UBE2W: variants seen among roughly 807,000 people sequenced by gnomAD.
The protein encoded by UBE2W is ubiquitin-conjugating enzyme E2 W.
UBE2W carries 18 observed loss-of-function variants against 27.2 expected under a neutral mutation model. That is an observed-to-expected ratio of 0.66 (90% CI 0.46 to 0.98). UBE2W has a LOEUF of 0.98. Among genes scored for constraint, UBE2W ranks in the 50% least tolerant of loss-of-function variants. The pLI, the probability that UBE2W is intolerant of heterozygous loss-of-function variation, is 0.00. For synonymous variants in UBE2W, 53 were observed against 57.2 expected (o/e 0.93, Z 0.33); for missense variants, 90 against 180.2 (o/e 0.50, Z 2.87).
chr8:73,859,601 T>A (rs76525127), intron 1 of UBE2W, among the ~76,000 whole-genome samples: 4 of 152,136 alleles, frequency 2.6e-5, no homozygotes, highest in Admixed American at 1.3e-4. Context: ...TCACACAAAA[T>A]ATGTGTTAAT....
At position 73,805,472 on chromosome 8, in the gene UBE2W, C is replaced by CAAAAAAAAAAAAAAAAAAAAAAAAAAAAA; in HGVS notation, c.442+178_442+179insTTTTTTTTTTTTTTTTTTTTTTTTTTTTT. On this transcript the variant is annotated intron_variant, in intron 5 of 5. Transcript: ENST00000602593. ...TCCATCTCAAAAAAAAAAAAAAAAA[C>CAAAAAAAAAAAAAAAAAAAAAAAAAAAAA]AAAAAAAACTAGGGTAATTCATCCA... is the stretch of plus-strand genomic sequence containing the variant. Among the ~76,000 whole-genome samples the CAAAAAAAAAAAAAAAAAAAAAAAAAAAAA allele has an allele frequency of 6.0e-4, 26 of 43,692 alleles. 2 individuals carry two copies. The highest frequency in any genetic ancestry group is 9.4e-4 in the Non-Finnish European group (19 of 20,120). 28.7% of individuals were successfully genotyped at this position (43,692 alleles called of 152,430 possible). A position where few individuals can be genotyped will look rare whatever the true frequency, so the allele number is the denominator to read the frequency against.
intron 2 of UBE2W, among the ~76,000 whole-genome samples, chr8:73,825,687 G>A (rs1809807933): frequency 6.6e-6 from 1 of 152,108 alleles, no homozygotes; most frequent in Non-Finnish European, 1.5e-5. Flanking sequence ...TGTAATCCCA[G>A]CTACTCAGGA....
chr8:73,803,016 C>G lies in UBE2W; in HGVS notation c.442+2635G>C, dbSNP rs545888771. Among the ~76,000 whole-genome samples, 35 of 149,326 alleles carry G rather than the reference C, an allele frequency of 2.3e-4. No individual in the cohort carries two copies. The East Asian group carries it at 6.5e-3, about 28-fold the overall frequency. ...TCCAGCCTGGGCGACAGCAAGACTC[C>G]GTCTCAAAATAAATAAATAAATAAA... is the stretch of plus-strand genomic sequence containing the variant. On this transcript the variant is annotated intron_variant, in intron 5 of 5. Transcript: ENST00000602593.
intron 3 of UBE2W, among the ~76,000 whole-genome samples, chr8:73,814,961 C>T (rs1809328187): frequency 6.6e-6 from 1 of 152,210 alleles, no homozygotes; most frequent in Admixed American, 6.5e-5. Flanking sequence ...TATCCCACAA[C>T]CAACCTGAAA....
rs71269958 is a variant in UBE2W at position 73,866,290 on chromosome 8, A to AATATATATATAT, written c.15+12506_15+12517dup. On this transcript the variant is annotated intron_variant, in intron 1 of 5. Coordinates refer to ENST00000602593, the MANE Select transcript of UBE2W (RefSeq NM_018299.6). ...GTCTAAAAAAAAAAAAAAAAAAAAA[A>AATATATATATAT]ATATATATATATATATATATATATA... Among the ~76,000 whole-genome samples, 74 of 43,076 alleles carry AATATATATATAT rather than the reference A, an allele frequency of 1.7e-3. 1 individual carries two copies. The highest frequency in any genetic ancestry group is 3.4e-3 in the South Asian group (3 of 870). 28.3% of individuals were successfully genotyped at this position (43,076 alleles called of 152,430 possible). A position where few individuals can be genotyped will look rare whatever the true frequency, so the allele number is the denominator to read the frequency against.
chr8:73,801,210 A>T (rs1808627071), intron 5 of UBE2W, among the ~76,000 whole-genome samples: 1 of 152,256 alleles, frequency 6.6e-6, no homozygotes, highest in African/African-American at 2.4e-5. Flanking sequence ...GCAGGTAAGA[A>T]GAAACTCTGA....
chr8:73,821,246 A>G (rs753785538), intron 3 of UBE2W, among the ~76,000 whole-genome samples: 2 of 152,186 alleles, frequency 1.3e-5, no homozygotes, highest in Non-Finnish European at 2.9e-5. Context: ...ATTTCTTCAC[A>G]TATAAAATGA....
At chr8:73,863,577 A>AT (rs1811617062) in intron 1 of UBE2W, among the ~76,000 whole-genome samples, 1 of 110,142 alleles carries the variant, frequency 9.1e-6, no homozygotes, top group African/African-American at 3.7e-5. Context: ...TTAAAGTATA[A>AT]TAAAAAAAAA....
intron 4 of UBE2W, among the ~76,000 whole-genome samples, chr8:73,808,600 C>A (rs552405953): frequency 6.6e-6 from 1 of 152,332 alleles, no homozygotes; most frequent in African/African-American, 2.4e-5. Flanking sequence ...AATGCCAAGG[C>A]AAATTTCCTC....
intron 1 of UBE2W, among the ~76,000 whole-genome samples, chr8:73,843,882 G>A (rs974889456): frequency 6.6e-6 from 1 of 151,754 alleles, no homozygotes; most frequent in South Asian, 2.1e-4. Flanking sequence ...CCATCTACTC[G>A]AGAGGCTGAG....
At chr8:73,830,272 T>C in intron 2 of UBE2W, 109 bp downstream of exon 2, 1 of 777,422 alleles carries the variant, frequency 1.3e-6, no homozygotes, top group Non-Finnish European at 2.1e-6. Context: ...TATTTACCTC[T>C]TGGTGAAAGA....
chr8:73,836,326 A>C (rs551997946), intron 1 of UBE2W, among the ~76,000 whole-genome samples: 17 of 152,356 alleles, frequency 1.1e-4, no homozygotes, highest in African/African-American at 3.8e-4. Context: ...AAATAGTGAG[A>C]GAGAAGGGCC....
intron 1 of UBE2W, among the ~76,000 whole-genome samples, chr8:73,855,729 A>G (rs1049961456): frequency 2.6e-5 from 4 of 152,094 alleles, no homozygotes; most frequent in Non-Finnish European, 5.9e-5. Context: ...TTGACTGTGA[A>G]CAGTGCTGTA....
At chr8:73,844,836 G>A (rs1046619465) in intron 1 of UBE2W, among the ~76,000 whole-genome samples, 7 of 150,606 alleles carry the variant, frequency 4.6e-5, no homozygotes, top group Admixed American at 2.0e-4. Context: ...CTGCACCGCC[G>A]CCACCCCGTC....
At chr8:73,839,040 T>C (rs1810421517) in intron 1 of UBE2W, among the ~76,000 whole-genome samples, 1 of 152,216 alleles carries the variant, frequency 6.6e-6, no homozygotes, top group African/African-American at 2.4e-5. Flanking sequence ...GAGTGTACTT[T>C]CATTTTCAAT....
intron 4 of UBE2W, among the ~76,000 whole-genome samples, chr8:73,808,729 G>A (rs538186175): frequency 6.6e-6 from 1 of 152,100 alleles, no homozygotes; most frequent in African/African-American, 2.4e-5. Flanking sequence ...TATCATCTTG[G>A]TTAAATATTA....
intron 1 of UBE2W, among the ~76,000 whole-genome samples, chr8:73,859,587 T>C (rs896508458): frequency 6.6e-6 from 1 of 152,212 alleles, no homozygotes; most frequent in Non-Finnish European, 1.5e-5. Flanking sequence ...ATATAATACA[T>C]ATATCACACA....
rs193285509 is a variant in UBE2W at position 73,857,963 on chromosome 8, G to A, written c.15+20845C>T. On this transcript the variant is annotated intron_variant, in intron 1 of 5. Coordinates refer to ENST00000602593, the MANE Select transcript of UBE2W (RefSeq NM_018299.6). The stretch of plus-strand genomic sequence containing the variant: ...TAAGCGGCTGGGCATGGTGGCTCAC[G>A]TCTGTAATCTCACCACTTTGGAAGG... Among the ~76,000 whole-genome samples, 1,455 of 151,836 alleles carry A rather than the reference G, an allele frequency of 9.6e-3. 10 individuals carry two copies. The highest frequency in any genetic ancestry group is 0.016 in the Non-Finnish European group (1,069 of 67,690).
chr8:73,826,487 T>C (rs1482596277), intron 2 of UBE2W, among the ~76,000 whole-genome samples: 1 of 152,158 alleles, frequency 6.6e-6, no homozygotes, highest in African/African-American at 2.4e-5. Context: ...AGTGTTGGGA[T>C]TCTAGTCATC....
Sources: allele counts gnomAD v4.1 joint callset (sites outside exome capture counted in the v4.1 genomes callset), GRCh38; gene constraint gnomAD v4.1.1; transcripts MANE v1.5; gene names NCBI Gene and HGNC (gene_info 2026-07-23, HGNC 2026-07-21).